NHSL1: variants seen among roughly 807,000 people sequenced by gnomAD.
The protein encoded by NHSL1 is NHS-like protein 1.
Under a neutral mutation model 95.0 loss-of-function variants are expected in NHSL1, and 48 were observed. The observed-to-expected ratio is 0.51, with a 90% CI of 0.40 to 0.64. The LOEUF (loss-of-function observed/expected upper bound fraction) is 0.64, where lower values mean the gene tolerates loss of function less well. Ranked by LOEUF, NHSL1 falls within the 30% of genes least tolerant of loss-of-function variation. The pLI, the probability that NHSL1 is intolerant of heterozygous loss-of-function variation, is 0.00. For missense variants in NHSL1, 1,971 were observed against 2,077.7 expected (o/e 0.95, Z 1.00); for synonymous variants, 783 against 833.9 (o/e 0.94, Z 1.05).
chr6:138,566,324 G>A (rs1161115328), intron 1 of NHSL1, among the ~76,000 whole-genome samples: 2 of 151,924 alleles, frequency 1.3e-5, no homozygotes, highest in African/African-American at 2.4e-5. Flanking sequence ...CTAGAACCCG[G>A]GAGGCAGAAG....
At chr6:138,481,351 A>G (rs17727274) in intron 2 of NHSL1, among the ~76,000 whole-genome samples, 20,339 of 152,220 alleles carry the variant, frequency 0.13, 1,392 homozygotes, top group Middle Eastern at 0.17. Flanking sequence ...GAAAAGAGAA[A>G]GAAATCATAC....
intron 1 of NHSL1, among the ~76,000 whole-genome samples, chr6:138,526,754 G>A (rs970693170): frequency 2.6e-5 from 4 of 151,512 alleles, no homozygotes; most frequent in Non-Finnish European, 4.4e-5. Flanking sequence ...ATATAGTTTT[G>A]GCCACATCCC....
chr6:138,432,559 C>A lies in NHSL1; in HGVS notation c.1786G>T (p.Ala596Ser), dbSNP rs749472277. 2.6e-6 allele frequency: 4 copies of A among 1,552,062 alleles called. No homozygotes were observed. The highest frequency in any genetic ancestry group is 3.5e-6 in the Non-Finnish European group (4 of 1,147,058). Residue 596 changes from alanine to serine, a missense_variant, in exon 6 of 8, where the codon GCT (alanine) becomes TCT (serine). Around this residue, in one of 3 missense-constraint regions of NHSL1, gnomAD observed 1,602 missense variants for 1,654.5 expected, o/e 0.97. Coordinates refer to ENST00000343505, the MANE Select transcript of NHSL1 (RefSeq NM_001144060.2). The surrounding 1 kb of genome is among the most constrained non-coding windows in gnomAD (Gnocchi z 4.4). ...SLDQTSNKED[A>S]GSLYSEDHDG... ...TGGTCCTCAGAATACAGCGACCCAG[C>A]ATCCTCTTTGTTGGACGTTTGGTCC... is the stretch of plus-strand genomic sequence containing the variant.
intron 5 of NHSL1, among the ~76,000 whole-genome samples, chr6:138,439,387 T>C (rs1776383860): frequency 6.6e-6 from 1 of 152,212 alleles, no homozygotes; most frequent in Non-Finnish European, 1.5e-5. Flanking sequence ...AGTGTCTATT[T>C]TTGATCATCA....
At chr6:138,640,486 T>A (rs1767025726) in intron 1 of NHSL1, among the ~76,000 whole-genome samples, 1 of 152,030 alleles carries the variant, frequency 6.6e-6, no homozygotes. Context: ...GACCAATCCC[T>A]CCTCCTCCTC....
chr6:138,640,172 G>T (rs1784942408), intron 1 of NHSL1, among the ~76,000 whole-genome samples: 1 of 152,042 alleles, frequency 6.6e-6, no homozygotes, highest in African/African-American at 2.4e-5. Flanking sequence ...GCATCTTGGT[G>T]CCCATCTAGT....
chr6:138,619,569 G>A (rs932927648), intron 1 of NHSL1, among the ~76,000 whole-genome samples: 3 of 152,138 alleles, frequency 2.0e-5, no homozygotes, highest in African/African-American at 7.2e-5. Context: ...CACAATATAT[G>A]TTTAAGTGGA....
At chr6:138,639,888 T>G (rs896339574) in intron 1 of NHSL1, among the ~76,000 whole-genome samples, 2 of 128,020 alleles carry the variant, frequency 1.6e-5, no homozygotes, top group African/African-American at 5.7e-5. Flanking sequence ...AATTTTAGCT[T>G]TTTTTTTTTT....
At chr6:138,484,711 T>C (rs544036662) in intron 2 of NHSL1, among the ~76,000 whole-genome samples, 10 of 152,306 alleles carry the variant, frequency 6.6e-5, no homozygotes, top group African/African-American at 2.4e-4. Flanking sequence ...TGCTCTGTGA[T>C]TAATTCCTAT....
intron 1 of NHSL1, among the ~76,000 whole-genome samples, chr6:138,566,207 G>A (rs974135621): frequency 1.3e-5 from 2 of 152,042 alleles, no homozygotes. Flanking sequence ...AGACCAGCCT[G>A]GCCAACATGG....
chr6:138,675,344 T>C (rs1048038089), intron 1 of NHSL1, among the ~76,000 whole-genome samples: 2 of 152,026 alleles, frequency 1.3e-5, no homozygotes. Context: ...CTTGCCACCA[T>C]GATACCACAG....
At chr6:138,584,860 C>A (rs1184016011) in intron 1 of NHSL1, among the ~76,000 whole-genome samples, 1 of 152,170 alleles carries the variant, frequency 6.6e-6, no homozygotes, top group East Asian at 1.9e-4. Flanking sequence ...GATTCTCCTT[C>A]CTAATCGTCC....
At chr6:138,483,794 C>T (rs1389374435) in intron 2 of NHSL1, among the ~76,000 whole-genome samples, 1 of 152,188 alleles carries the variant, frequency 6.6e-6, no homozygotes, top group Non-Finnish European at 1.5e-5. Context: ...CATGATATGG[C>T]TCAATGTGGG....
intron 1 of NHSL1, among the ~76,000 whole-genome samples, chr6:138,496,888 T>C (rs1780386049): frequency 6.6e-6 from 1 of 152,372 alleles, no homozygotes; most frequent in East Asian, 1.9e-4. Context: ...TTTTAAAAAA[T>C]TAAGCGTAAA....
chr6:138,506,332 A>G, intron 1 of NHSL1, among the ~76,000 whole-genome samples: 1 of 152,220 alleles, frequency 6.6e-6, no homozygotes, highest in East Asian at 1.9e-4. Flanking sequence ...ATTCTTGTCT[A>G]GCAAAATAAC....
intron 7 of NHSL1, among the ~76,000 whole-genome samples, chr6:138,428,679 C>G (rs2128192688): frequency 6.6e-6 from 1 of 152,292 alleles, no homozygotes; most frequent in Middle Eastern, 3.4e-3. Flanking sequence ...TGTTTTTCAT[C>G]TTATGCAATA....
intron 1 of NHSL1, among the ~76,000 whole-genome samples, chr6:138,556,167 C>T (rs1783189040): frequency 6.6e-6 from 1 of 151,846 alleles, no homozygotes; most frequent in South Asian, 2.1e-4. Flanking sequence ...TAAATAATTA[C>T]TAAAGTTGAT....
At chr6:138,464,524 G>A (rs1448178963) in intron 3 of NHSL1, 3 of 189,664 alleles carry the variant, frequency 1.6e-5, no homozygotes, top group Non-Finnish European at 3.2e-5. Context: ...TTTGCACTTA[G>A]CGCTAAACAA....
chr6:138,499,593 G>A (rs541995981), upstream of NHSL1: 1 of 285,494 alleles, frequency 3.5e-6, no homozygotes, highest in Non-Finnish European at 6.4e-6. Context: ...TTATTTGCAT[G>A]ACAGCCACAT....
Sources: gnomAD v4.1 joint callset for allele counts (sites outside exome capture counted in the v4.1 genomes callset) on GRCh38, gnomAD v4.1.1 for gene constraint, gnomAD v4.1.1 regional missense constraint, Gnocchi (gnomAD v3.1) non-coding constraint, MANE v1.5 for transcripts, NCBI Gene and HGNC (gene_info 2026-07-23, HGNC 2026-07-21) for gene names.